The following USP13 variants were observed in gnomAD, a reference collection of about 807,000 sequenced individuals.
The protein encoded by USP13 is ubiquitin specific peptidase 13.
A neutral mutation model predicts 107.8 loss-of-function variants in USP13; 68 were observed. The ratio of observed to expected loss-of-function variants is 0.63; its 90% CI spans 0.52 to 0.77. USP13 has a LOEUF of 0.77. USP13 is among the 30% of genes least tolerant of loss of function. USP13 has a pLI of 0.00. For synonymous variants in USP13, 377 were observed against 389.5 expected (o/e 0.97, Z 0.38); for missense variants, 945 against 1,093.3 (o/e 0.86, Z 1.91).
intron 2 of USP13, among the ~76,000 whole-genome samples, chr3:179,686,085 C>G (rs1711862556): frequency 6.6e-6 from 1 of 152,192 alleles, no homozygotes; most frequent in Admixed American, 6.5e-5. Context: ...CTTTCCTCTT[C>G]CATTGCGCCC....
chr3:179,737,638 G>A (rs1714040342), intron 10 of USP13, among the ~76,000 whole-genome samples: 1 of 152,234 alleles, frequency 6.6e-6, no homozygotes, highest in African/African-American at 2.4e-5. Context: ...AGCGCTGGAA[G>A]CACAACTGAA....
At chr3:179,660,808 C>T (rs766918550) in intron 1 of USP13, among the ~76,000 whole-genome samples, 2 of 152,172 alleles carry the variant, frequency 1.3e-5, no homozygotes, top group Non-Finnish European at 2.9e-5. Context: ...GACTTTTTTC[C>T]ACTTTGAAGA....
chr3:179,678,217 T>TA lies in USP13; in HGVS notation c.169-3654dup, dbSNP rs1034459591. 2.0e-5 allele frequency among the ~76,000 whole-genome samples: 3 copies of TA among 152,150 alleles called. No homozygotes were observed. Among genetic ancestry groups the TA allele is most frequent in the African/African-American group, 7.2e-5 (3 of 41,446 alleles). On this transcript the variant is annotated intron_variant, in intron 1 of 20. Transcript: ENST00000263966. This position sits in a 1 kb window ranked among gnomAD's most constrained non-coding sequence, Gnocchi z 4.2. ...TTTATTAGAAGAGAATGGAACTTTT[T>TA]AAAAAAATCACAATGGATTTAATGA...
At chr3:179,723,121 T>C (rs571525678) in intron 8 of USP13, among the ~76,000 whole-genome samples, 1 of 152,318 alleles carries the variant, frequency 6.6e-6, no homozygotes, top group Non-Finnish European at 1.5e-5. Flanking sequence ...GCAGGTGACA[T>C]GCCAGGAATA....
chr3:179,688,681 C>G (rs1711985683), intron 2 of USP13, among the ~76,000 whole-genome samples: 1 of 152,214 alleles, frequency 6.6e-6, no homozygotes, highest in Admixed American at 6.5e-5. Flanking sequence ...CATGCAACCC[C>G]TCCTTGTTAT....
At chr3:179,718,743 G>T (rs1033743187) in intron 6 of USP13, among the ~76,000 whole-genome samples, 2 of 152,050 alleles carry the variant, frequency 1.3e-5, no homozygotes, top group African/African-American at 4.8e-5. Flanking sequence ...CTGAGGCGGG[G>T]CTCAAGATTC....
Position 179,742,149 on chromosome 3 carries a change from T to A in USP13, c.1381-48T>A. On this transcript the variant is annotated intron_variant, in intron 11 of 20. Coordinates refer to ENST00000263966, the MANE Select transcript of USP13 (RefSeq NM_003940.3). The surrounding 1 kb of genome is among the most constrained non-coding windows in gnomAD (Gnocchi z 5.0). The stretch of plus-strand genomic sequence containing the variant: ...GAGTTCATTTTCTACTAAGTCTTAG[T>A]GGCTCAATATTCATACATTTACTAA... 4 of 1,610,512 alleles carry A rather than the reference T, an allele frequency of 2.5e-6. No individual in the cohort carries two copies. The highest frequency in any genetic ancestry group is 3.4e-6 in the Non-Finnish European group (4 of 1,177,152).
rs901513683 is a variant in USP13, at chr3:179,756,237, ACATGGTGAAAC to A, written c.1922-813_1922-803del. Reference sequence around the variant, plus strand: ...CAGGAGATTAAGACCATCCTGGCCAACATGGTGAAACCTCACCTCTACTAAAAATACGAAAG... The same window carrying A: ...CAGGAGATTAAGACCATCCTGGCCAACTCACCTCTACTAAAAATACGAAAG... On this transcript the variant is annotated intron_variant, in intron 15 of 20. Coordinates refer to ENST00000263966, the MANE Select transcript of USP13 (RefSeq NM_003940.3). Among the ~76,000 whole-genome samples, 87 of 152,250 alleles carry A rather than the reference ACATGGTGAAAC, an allele frequency of 5.7e-4. 1 individual carries two copies. The highest frequency in any genetic ancestry group is 2.0e-3 in the African/African-American group (82 of 41,544).
chr3:179,763,932 G>A (rs1009968850), intron 17 of USP13, 70 bp from the exon 18 acceptor site: 1 of 1,423,608 alleles, frequency 7.0e-7, no homozygotes. Flanking sequence ...GTTTTTCCTT[G>A]TTAGTGTTGT....
chr3:179,707,453 C>T (rs974019495), intron 5 of USP13, among the ~76,000 whole-genome samples: 1 of 152,108 alleles, frequency 6.6e-6, no homozygotes, highest in Non-Finnish European at 1.5e-5. Context: ...GGATTAATAC[C>T]CCAGTTTTCT....
Position 179,785,304 on chromosome 3 carries a change from T to C in USP13, c.*1163T>C, listed in dbSNP as rs1715888211. On this transcript the variant is annotated 3_prime_UTR_variant, in exon 21 of 21. Transcript: ENST00000263966. ...TGACTTGCCTTCATTGCTTGTCTGA[T>C]GTGACCAACAGTGTGATCTTGGACA... is the stretch of plus-strand genomic sequence containing the variant. 1 of 152,210 alleles carries C rather than the reference T, an allele frequency of 6.6e-6. No homozygotes were observed. The highest frequency in any genetic ancestry group is 1.5e-5 in the Non-Finnish European group (1 of 68,040). The allele number at this position is 152,210 out of a possible 1,614,324, so 9.4% of individuals were successfully genotyped here.
intron 18 of USP13, among the ~76,000 whole-genome samples, 195 bp from the exon 19 acceptor site, chr3:179,765,492 TGTCAGCTG>T (rs1350899016): frequency 1.3e-5 from 2 of 152,252 alleles, no homozygotes; most frequent in African/African-American, 4.8e-5. Context: ...CAATTACAGA[TGTCAGCTG>T]GGAGACTTGC....
At chr3:179,737,857 C>G (rs973993405) in intron 10 of USP13, among the ~76,000 whole-genome samples, 3 of 152,208 alleles carry the variant, frequency 2.0e-5, no homozygotes, top group African/African-American at 7.2e-5. Flanking sequence ...TCCAATAGTG[C>G]TCTGCATGAA....
At chr3:179,658,656 A>G (rs1720362075) in intron 1 of USP13, among the ~76,000 whole-genome samples, 1 of 152,228 alleles carries the variant, frequency 6.6e-6, no homozygotes, top group African/African-American at 2.4e-5. Context: ...AGCTAGAGCT[A>G]AACCTCACTG....
rs376113812 is a variant in USP13 at position 179,719,328 on chromosome 3, G to A, written c.806-612G>A. On this transcript the variant is annotated intron_variant, in intron 6 of 20. Coordinates refer to ENST00000263966, the MANE Select transcript of USP13 (RefSeq NM_003940.3). Reference sequence around the variant, plus strand: ...CTATGAGGTGGGCCATTAGGGAAGCGCCACACAGTCTTCACAGATCTCTCG... The same window carrying A: ...CTATGAGGTGGGCCATTAGGGAAGCACCACACAGTCTTCACAGATCTCTCG... Among the ~76,000 whole-genome samples the A allele has an allele frequency of 4.0e-4, 61 of 152,256 alleles. 2 individuals are homozygous for A. The South Asian group carries it at 0.011, about 29-fold the overall frequency.
intron 1 of USP13, among the ~76,000 whole-genome samples, chr3:179,670,380 C>T (rs1032308485): frequency 6.6e-6 from 1 of 152,152 alleles, no homozygotes; most frequent in Non-Finnish European, 1.5e-5. Context: ...TTCCTTCTGC[C>T]GCTCACCCCC....
chr3:179,668,662 G>T (rs1484872937), intron 1 of USP13, among the ~76,000 whole-genome samples: 1 of 151,932 alleles, frequency 6.6e-6, no homozygotes, highest in Non-Finnish European at 1.5e-5. Flanking sequence ...GCTTAAGTAG[G>T]TCTCCTGCCT....
chr3:179,752,175 C>T (rs1345444771), intron 13 of USP13, 110 bp from the exon 14 acceptor site: 3 of 856,964 alleles, frequency 3.5e-6, no homozygotes, highest in Non-Finnish European at 5.7e-6. Flanking sequence ...CTCTTCAGTT[C>T]AGCCATTGGA....
At chr3:179,730,853 C>A in intron 10 of USP13, 144 bp downstream of exon 10, 1 of 657,430 alleles carries the variant, frequency 1.5e-6, no homozygotes, top group Non-Finnish European at 2.6e-6. Flanking sequence ...GGGTGCCTGT[C>A]TGTATGCTCT....
Sources: allele counts gnomAD v4.1 joint callset (sites outside exome capture counted in the v4.1 genomes callset), GRCh38; gene constraint gnomAD v4.1.1; non-coding constraint Gnocchi (gnomAD v3.1); transcripts MANE v1.5; gene names NCBI Gene and HGNC (gene_info 2026-07-23, HGNC 2026-07-21).